The following ITPR2 variants were observed in gnomAD, a reference collection of about 807,000 sequenced individuals.
ITPR2 encodes the protein inositol 1,4,5-trisphosphate receptor type 2.
ITPR2 carries 207 observed loss-of-function variants against 317.1 expected under a neutral mutation model. The observed-to-expected ratio is 0.65, with a 90% CI of 0.58 to 0.73. ITPR2 has a LOEUF of 0.73. ITPR2 is among the 30% of genes least tolerant of loss of function. The pLI is 0.00. For synonymous variants in ITPR2, 1,156 were observed against 1,149.1 expected, an observed-to-expected ratio of 1.01 and a Z score of -0.12; for missense variants, 2,613 against 3,284.0, an observed-to-expected ratio of 0.80 and a Z score of 4.99.
At chr12:26,637,269 T>C (rs1946883412) in intron 21 of ITPR2, among the ~76,000 whole-genome samples, 1 of 152,148 alleles carries the variant, frequency 6.6e-6, no homozygotes, top group South Asian at 2.1e-4. Flanking sequence ...GAATTTACAA[T>C]ATGGTCAGGA....
intron 8 of ITPR2, among the ~76,000 whole-genome samples, chr12:26,713,913 G>T (rs1364109413): frequency 6.6e-6 from 1 of 152,128 alleles, no homozygotes; most frequent in African/African-American, 2.4e-5. Flanking sequence ...CTTCTGGGAG[G>T]TGTTTCATGC....
At chr12:26,734,996 C>CTTTTT (rs5797195) in intron 2 of ITPR2, among the ~76,000 whole-genome samples, 12 of 109,006 alleles carry the variant, frequency 1.1e-4, no homozygotes, top group East Asian at 2.8e-4. Flanking sequence ...GCAAGCCAGT[C>CTTTTT]TTTTTTTTTT....
chr12:26,516,275 G>GGGAAAGGAAGGGAAAGGAAGGGAAA (rs1943501898), intron 37 of ITPR2, among the ~76,000 whole-genome samples: 119 of 37,518 alleles, frequency 3.2e-3, no homozygotes, highest in Non-Finnish European at 4.9e-3. Flanking sequence ...AGGAAAGGAA[G>GGGAAAGGAAGGGAAAGGAAGGGAAA]GGAAGGGAAG....
chr12:26,580,576 T>G (rs938855534), intron 32 of ITPR2, among the ~76,000 whole-genome samples: 4 of 152,110 alleles, frequency 2.6e-5, no homozygotes, highest in Non-Finnish European at 5.9e-5. Context: ...ACATTTTCAC[T>G]CCCAACCCTC....
intron 26 of ITPR2, among the ~76,000 whole-genome samples, chr12:26,619,382 T>C (rs1946444959): frequency 6.6e-6 from 1 of 152,226 alleles, no homozygotes. Context: ...AATCCAGTTT[T>C]GTTCGGCCAT....
rs572855025 is a variant in ITPR2 at position 26,434,050 on chromosome 12, T to C, written c.6769+2171A>G. Among the ~76,000 whole-genome samples, 4 of 152,306 alleles carry C rather than the reference T, an allele frequency of 2.6e-5. No homozygotes were observed. The East Asian group carries it at 7.7e-4, about 29-fold the overall frequency. Reference sequence around the variant, plus strand: ...TATCATGCTTATTATAGAAAATGGATACATATATAAAGTATTAAGGAGAGA... The same window carrying C: ...TATCATGCTTATTATAGAAAATGGACACATATATAAAGTATTAAGGAGAGA... On this transcript the variant is annotated intron_variant, in intron 48 of 56. Coordinates refer to ENST00000381340, the MANE Select transcript of ITPR2 (RefSeq NM_002223.4).
chr12:26,612,629 C>T (rs531238826), intron 26 of ITPR2, among the ~76,000 whole-genome samples: 3 of 152,276 alleles, frequency 2.0e-5, no homozygotes, highest in Middle Eastern at 3.4e-3. Context: ...TCCCAATCCA[C>T]CCATTTGCAT....
At chr12:26,386,197 A>T (rs758270596) in intron 55 of ITPR2, among the ~76,000 whole-genome samples, 1 of 152,200 alleles carries the variant, frequency 6.6e-6, no homozygotes, top group Non-Finnish European at 1.5e-5. Context: ...GACCATGAAT[A>T]TATATCCTTA....
At chr12:26,561,183 C>T (rs1474740322) in intron 35 of ITPR2, among the ~76,000 whole-genome samples, 1 of 152,166 alleles carries the variant, frequency 6.6e-6, no homozygotes, top group Non-Finnish European at 1.5e-5. Context: ...GCAGGAAGTC[C>T]ACCATGTGCA....
chr12:26,681,811 T>G, intron 13 of ITPR2, 63 bp downstream of exon 13: 1 of 1,193,368 alleles, frequency 8.4e-7, no homozygotes, highest in Non-Finnish European at 1.2e-6. Flanking sequence ...TTCATTCATA[T>G]CAGGCTTACT....
intron 37 of ITPR2, among the ~76,000 whole-genome samples, chr12:26,528,416 T>C (rs1194079285): frequency 1.3e-5 from 2 of 152,236 alleles, no homozygotes; most frequent in Admixed American, 6.5e-5. Context: ...AAATAGTTTC[T>C]ATCCTATCAT....
intron 37 of ITPR2, among the ~76,000 whole-genome samples, chr12:26,543,854 A>G (rs186760553): frequency 5.9e-5 from 9 of 152,306 alleles, no homozygotes; most frequent in Admixed American, 5.2e-4. Flanking sequence ...TCCAACATAC[A>G]TATTTTTTTA....
intron 54 of ITPR2, among the ~76,000 whole-genome samples, chr12:26,391,680 T>C (rs182056068): frequency 6.7e-6 from 1 of 148,236 alleles, no homozygotes; most frequent in African/African-American, 2.5e-5. Flanking sequence ...TTCTCCTGCC[T>C]CAGCCTCCCG....
At chr12:26,744,208 G>A (rs1215130264) in intron 2 of ITPR2, among the ~76,000 whole-genome samples, 2 of 152,158 alleles carry the variant, frequency 1.3e-5, no homozygotes, top group Non-Finnish European at 2.9e-5. Flanking sequence ...GGCCCACAAG[G>A]CCCTATATGA....
chr12:26,406,080 C>T (rs986735816), intron 52 of ITPR2, among the ~76,000 whole-genome samples: 16 of 151,910 alleles, frequency 1.1e-4, no homozygotes, highest in African/African-American at 3.9e-4. Flanking sequence ...GTCAGTACTG[C>T]TGGAAAAATA....
chr12:26,697,625 A>G (rs1274975612), intron 9 of ITPR2, among the ~76,000 whole-genome samples: 1 of 152,128 alleles, frequency 6.6e-6, no homozygotes, highest in Admixed American at 6.5e-5. Context: ...CCTGGCCAAC[A>G]TGGTAAGACC....
chr12:26,481,072 T>C (rs1942534745), intron 43 of ITPR2, 59 bp downstream of exon 43: 3 of 923,650 alleles, frequency 3.2e-6, no homozygotes, highest in East Asian at 2.5e-5. Flanking sequence ...CAAGAGCTGC[T>C]TGAAGATTGT....
chr12:26,456,360 C>G (rs1941885397), intron 45 of ITPR2, among the ~76,000 whole-genome samples: 1 of 152,204 alleles, frequency 6.6e-6, no homozygotes. Flanking sequence ...TTTACACATG[C>G]CAGGGCAATG....
At chr12:26,696,764 T>C (rs1047159858) in intron 9 of ITPR2, among the ~76,000 whole-genome samples, 2 of 152,166 alleles carry the variant, frequency 1.3e-5, no homozygotes, top group East Asian at 3.8e-4. Flanking sequence ...GATAAGAAGA[T>C]AGTGAGTCAG....
Sources: gnomAD v4.1 joint callset for allele counts (sites outside exome capture counted in the v4.1 genomes callset) on GRCh38, gnomAD v4.1.1 for gene constraint, MANE v1.5 for transcripts, NCBI Gene and HGNC (gene_info 2026-07-23, HGNC 2026-07-21) for gene names.